Variants in MGRN1 observed in about 807,000 individuals in gnomAD.
MGRN1 encodes the protein mahogunin ring finger 1, also known as E3 ubiquitin-protein ligase MGRN1.
A neutral mutation model predicts 69.2 loss-of-function variants in MGRN1; 29 were observed. The ratio of observed to expected loss-of-function variants is 0.42; its 90% CI spans 0.31 to 0.57. The LOEUF is 0.57. Ranked by LOEUF, MGRN1 falls within the 20% of genes least tolerant of loss-of-function variation. The pLI, the probability that MGRN1 is intolerant of heterozygous loss-of-function variation, is 0.15. For synonymous variants in MGRN1, 470 were observed against 344.2 expected, an observed-to-expected ratio of 1.37 and a Z score of -4.04; for missense variants, 998 against 796.2, an observed-to-expected ratio of 1.25 and a Z score of -3.05.
At chr16:4,631,021 C>T (rs539271107) in intron 1 of MGRN1, among the ~76,000 whole-genome samples, 8 of 151,584 alleles carry the variant, frequency 5.3e-5, no homozygotes, top group African/African-American at 1.5e-4. Flanking sequence ...AGGGTTTCAC[C>T]GTGTTGTCCA....
chr16:4,671,241 C>G, intron 8 of MGRN1, 150 bp from the exon 9 acceptor site: 1 of 688,674 alleles, frequency 1.5e-6, no homozygotes, highest in Non-Finnish European at 2.5e-6. Flanking sequence ...CAGGTTTTCC[C>G]TGCCCTTCTC....
At chr16:4,630,504 G>A (rs1485024233) in intron 1 of MGRN1, among the ~76,000 whole-genome samples, 3 of 151,860 alleles carry the variant, frequency 2.0e-5, no homozygotes, top group African/African-American at 7.3e-5. Flanking sequence ...AGGCTGGAGT[G>A]TAGTGGCATG....
chr16:4,643,780 G>C (rs1567181488), intron 1 of MGRN1, among the ~76,000 whole-genome samples: 1 of 152,072 alleles, frequency 6.6e-6, no homozygotes, highest in Non-Finnish European at 1.5e-5. Flanking sequence ...TTCGTGTTTT[G>C]AATGGCCATT....
rs867703624 is a variant in MGRN1, at chr16:4,663,358, T to C, written c.562-1351T>C. 8.9e-3 allele frequency among the ~76,000 whole-genome samples: 1,199 copies of C among 134,534 alleles called. 25 individuals carry two copies. The highest frequency in any genetic ancestry group is 0.032 in the African/African-American group (1,170 of 36,710). 88.3% of individuals were successfully genotyped at this position (134,534 alleles called of 152,430 possible). ...GATTACAGGCGGGAGCCACGGCACC[T>C]GGCCTTGTTTTTTTTTTTTTTTTTT... On this transcript the variant is annotated intron_variant, in intron 5 of 16. Coordinates refer to ENST00000262370, the MANE Select transcript of MGRN1 (RefSeq NM_015246.4).
intron 5 of MGRN1, among the ~76,000 whole-genome samples, chr16:4,659,393 C>T (rs1013471288): frequency 6.6e-6 from 1 of 152,100 alleles, no homozygotes; most frequent in African/African-American, 2.4e-5. Flanking sequence ...CCCTCCCCAG[C>T]CCCTCTGGGG....
At chr16:4,675,087 C>G (rs1033817882) in intron 10 of MGRN1, among the ~76,000 whole-genome samples, 2 of 152,176 alleles carry the variant, frequency 1.3e-5, no homozygotes, top group African/African-American at 2.4e-5. Flanking sequence ...ATTCTTGTGA[C>G]TCAGCCTCCT....
At chr16:4,661,118 C>T (rs1405935185) in intron 5 of MGRN1, among the ~76,000 whole-genome samples, 2 of 151,500 alleles carry the variant, frequency 1.3e-5, no homozygotes, top group Non-Finnish European at 2.9e-5. Context: ...GTAGCTGGGA[C>T]TACAGGTGCC....
At chr16:4,627,058 C>T (rs906348367) in intron 1 of MGRN1, among the ~76,000 whole-genome samples, 1 of 152,236 alleles carries the variant, frequency 6.6e-6, no homozygotes, top group African/African-American at 2.4e-5. Context: ...CCCGCCTCTC[C>T]TGTCTCCTTA....
chr16:4,662,729 G>A (rs1192931241), intron 5 of MGRN1, among the ~76,000 whole-genome samples: 1 of 152,226 alleles, frequency 6.6e-6, no homozygotes, highest in Non-Finnish European at 1.5e-5. Flanking sequence ...TCACTGGGGT[G>A]GGGACGTGTG....
At chr16:4,637,978 G>C (rs968697488) in intron 1 of MGRN1, among the ~76,000 whole-genome samples, 3 of 152,224 alleles carry the variant, frequency 2.0e-5, no homozygotes, top group African/African-American at 7.2e-5. Flanking sequence ...CTTAGTCAGA[G>C]TTGTTCTCAG....
chr16:4,683,708 C>A, intron 15 of MGRN1, 135 bp from the exon 16 acceptor site: 2 of 681,094 alleles, frequency 2.9e-6, no homozygotes, highest in South Asian at 1.9e-5. Flanking sequence ...ACGGTGGAGT[C>A]CTGCTGGAGC....
chr16:4,680,375 C>A (rs1235859522), intron 12 of MGRN1: 4 of 436,966 alleles, frequency 9.2e-6, no homozygotes, highest in Non-Finnish European at 1.7e-5. Flanking sequence ...TTTTTTCTTG[C>A]TGGCAGTGGA....
intron 8 of MGRN1, among the ~76,000 whole-genome samples, chr16:4,670,390 G>A (rs1389040157): frequency 8.5e-5 from 13 of 152,148 alleles, no homozygotes; most frequent in African/African-American, 2.4e-4. Flanking sequence ...CTACAGGCAC[G>A]CGCCACCATG....
At chr16:4,648,317 C>T (rs1354496732) in intron 1 of MGRN1, among the ~76,000 whole-genome samples, 15 of 142,006 alleles carry the variant, frequency 1.1e-4, no homozygotes, top group African/African-American at 2.5e-4. Context: ...GGGCTCTTCC[C>T]GTGGTCACCC....
chr16:4,652,328 G>C lies in MGRN1; in HGVS notation c.296+277G>C, dbSNP rs180835890. Among the ~76,000 whole-genome samples, 5 of 152,212 alleles carry C rather than the reference G, an allele frequency of 3.3e-5. No individual in the cohort carries two copies. The East Asian group carries it at 9.7e-4, about 29-fold the overall frequency. ...CTTGGCATCTCAGGTGGGTGCCAGG[G>C]GTGCTGCAGACTTCCTGCCATGCAC... On this transcript the variant is annotated intron_variant, in intron 3 of 16. Coordinates refer to ENST00000262370, the MANE Select transcript of MGRN1 (RefSeq NM_015246.4).
At chr16:4,630,558 C>T (rs1360394215) in intron 1 of MGRN1, among the ~76,000 whole-genome samples, 3 of 151,658 alleles carry the variant, frequency 2.0e-5, no homozygotes, top group Non-Finnish European at 4.4e-5. Flanking sequence ...AGCGATTCTT[C>T]TACCTCAGCC....
intron 8 of MGRN1, among the ~76,000 whole-genome samples, chr16:4,668,540 T>C (rs116842267): frequency 0.02 from 3,073 of 150,320 alleles, 52 homozygotes; most frequent in South Asian, 0.036. Context: ...GACACACACA[T>C]ACACACATAA....
rs781115521 is a variant in MGRN1, at chr16:4,673,500, C to G, written c.798C>G (p.Pro266=). 4.3e-6 allele frequency: 7 copies of G among 1,612,094 alleles called. No homozygotes were observed. In the African/African-American group the frequency reaches 8.0e-5, roughly 18 times the overall value. ...IENKNNQETK[P]SDDENSDNSN... ...CCCACAAGCCCTTGTCCCGGCAGCC[C>G]TCGGACGACGAGAACAGCGACAACA... The change falls in exon 10 of 17, where the codon CCC becomes CCG. Residue 266 remains proline (P), a splice_region_variant and synonymous_variant. Coordinates refer to ENST00000262370, the MANE Select transcript of MGRN1 (RefSeq NM_015246.4).
intron 11 of MGRN1, 24 bp from the exon 12 acceptor site, chr16:4,680,008 A>C: frequency 6.2e-7 from 1 of 1,612,096 alleles, no homozygotes; most frequent in Non-Finnish European, 8.5e-7. Flanking sequence ...GTAGTTGTAA[A>C]ACATATGATT....
Sources: allele counts gnomAD v4.1 joint callset (sites outside exome capture counted in the v4.1 genomes callset), GRCh38; gene constraint gnomAD v4.1.1; transcripts MANE v1.5; gene names NCBI Gene and HGNC (gene_info 2026-07-23, HGNC 2026-07-21).